Variants in C6 observed in about 807,000 individuals in gnomAD.
C6 encodes complement component C6.
Under a neutral mutation model 112.9 loss-of-function variants are expected in C6, and 101 were observed. That is an observed-to-expected ratio of 0.89 (90% CI 0.76 to 1.06). The LOEUF (loss-of-function observed/expected upper bound fraction) is 1.06. Ranked by LOEUF, C6 falls within the 50% of genes least tolerant of loss-of-function variation. The probability of loss-of-function intolerance (pLI) is 0.00; values close to 1 mark genes in which losing one functional copy is unlikely to be tolerated. For synonymous variants in C6, 431 were observed against 384.1 expected (o/e 1.12, Z -1.43); for missense variants, 1,202 against 1,104.6 (o/e 1.09, Z -1.25).
intron 17 of C6, among the ~76,000 whole-genome samples, chr5:41,145,357 T>C (rs911551514): frequency 1.3e-5 from 2 of 152,206 alleles, no homozygotes; most frequent in Non-Finnish European, 1.5e-5. Flanking sequence ...GCAGTGTGGC[T>C]CATCTGTCCT....
intron 5 of C6, among the ~76,000 whole-genome samples, chr5:41,194,701 T>G (rs1271585535): frequency 6.7e-6 from 1 of 149,236 alleles, no homozygotes; most frequent in Non-Finnish European, 1.5e-5. Flanking sequence ...AAGGGGAGAG[T>G]ATAGGAGATT....
In C6 at chr5:41,183,928, C is replaced by G. The variant is rs115578651; in HGVS notation, c.726+2142G>C. On this transcript the variant is annotated intron_variant, in intron 6 of 17. Coordinates refer to ENST00000337836, the MANE Select transcript of C6 (RefSeq NM_000065.5). ...TCACTTATAAGTGAGAGCTAAACAT[C>G]GGGCACTCATGGACATAAAGATGGC... is the stretch of plus-strand genomic sequence containing the variant. Among the ~76,000 whole-genome samples the G allele has an allele frequency of 2.9e-3, 433 of 148,558 alleles. 1 individual carries two copies. The highest frequency in any genetic ancestry group is 5.3e-3 in the Non-Finnish European group (354 of 67,106).
At chr5:41,243,169 G>C (rs1019026139) in intron 1 of C6, among the ~76,000 whole-genome samples, 4 of 152,096 alleles carry the variant, frequency 2.6e-5, no homozygotes, top group Non-Finnish European at 5.9e-5. Flanking sequence ...CACAAAAAAA[G>C]TTAACTATTT....
intron 1 of C6, among the ~76,000 whole-genome samples, chr5:41,254,873 C>A (rs1239988499): frequency 6.6e-6 from 1 of 152,096 alleles, no homozygotes; most frequent in Non-Finnish European, 1.5e-5. Flanking sequence ...TCAGTGAAAG[C>A]GTTTTAGTCT....
chr5:41,158,256 T>C (rs1747109946), intron 13 of C6, among the ~76,000 whole-genome samples: 1 of 152,212 alleles, frequency 6.6e-6, no homozygotes, highest in African/African-American at 2.4e-5. Context: ...TTAAGAGTTC[T>C]ACAGGTTTCT....
chr5:41,184,199 G>A (rs1301628779), intron 6 of C6, among the ~76,000 whole-genome samples: 1 of 152,052 alleles, frequency 6.6e-6, no homozygotes, highest in Non-Finnish European at 1.5e-5. Flanking sequence ...GTTAACAGTT[G>A]ACTCTTGTGA....
chr5:41,255,959 A>G (rs991247473), intron 1 of C6, among the ~76,000 whole-genome samples: 1 of 152,208 alleles, frequency 6.6e-6, no homozygotes, highest in Non-Finnish European at 1.5e-5. Flanking sequence ...ATGGGGTTAC[A>G]TTCCCAACTT....
intron 1 of C6, among the ~76,000 whole-genome samples, chr5:41,209,855 G>C (rs1015880480): frequency 5.9e-5 from 9 of 152,078 alleles, no homozygotes; most frequent in African/African-American, 1.7e-4. Flanking sequence ...TCACAGAATT[G>C]GTAAAAACTA....
chr5:41,181,193 C>G (rs1298654202), intron 7 of C6, among the ~76,000 whole-genome samples, 166 bp downstream of exon 7: 1 of 151,916 alleles, frequency 6.6e-6, no homozygotes, highest in Non-Finnish European at 1.5e-5. Context: ...CATAATATTT[C>G]TATAACTTTT....
Position 41,200,024 on chromosome 5 carries a change from C to T in C6, c.301-112G>A, listed in dbSNP as rs528082552. 149 of 955,786 alleles carry T rather than the reference C, an allele frequency of 1.6e-4. No individual in the cohort carries two copies. The African/African-American group carries it at 2.0e-3, about 13-fold the overall frequency. 59.2% of individuals were successfully genotyped at this position (955,786 alleles called of 1,614,324 possible). A position where few individuals can be genotyped will look rare whatever the true frequency, so the allele number is the denominator to read the frequency against. ...AGTGATTTTTCCTATGGTAATATTT[C>T]TTATATTTTTACTAATGATTCTTCC... On this transcript the variant is annotated intron_variant, in intron 3 of 17. Transcript: ENST00000337836.
chr5:41,242,916 G>T (rs770871089), intron 1 of C6, among the ~76,000 whole-genome samples: 4 of 151,830 alleles, frequency 2.6e-5, no homozygotes, highest in Non-Finnish European at 5.9e-5. Context: ...AAAATACTGT[G>T]TGGTTTAACT....
At chr5:41,258,644 A>C (rs1228909468) in intron 1 of C6, among the ~76,000 whole-genome samples, 1 of 152,214 alleles carries the variant, frequency 6.6e-6, no homozygotes, top group Non-Finnish European at 1.5e-5. Context: ...AACCACATCT[A>C]TACGTACTGT....
Position 41,158,055 on chromosome 5 carries a change from T to C in C6, c.1968+619A>G, listed in dbSNP as rs576781125. Among the ~76,000 whole-genome samples, 5 of 152,242 alleles carry C rather than the reference T, an allele frequency of 3.3e-5. No homozygotes were observed. The East Asian group carries it at 7.7e-4, about 24-fold the overall frequency. On this transcript the variant is annotated intron_variant, in intron 13 of 17. Transcript: ENST00000337836. Reference sequence around the variant, plus strand: ...AAGATATTACTAAGTTTAAGAAAGGTAAAATGAAATAGGAAGCATGACTTC... The same window carrying C: ...AAGATATTACTAAGTTTAAGAAAGGCAAAATGAAATAGGAAGCATGACTTC...
At chr5:41,179,314 C>T (rs958944341) in intron 7 of C6, among the ~76,000 whole-genome samples, 1 of 152,174 alleles carries the variant, frequency 6.6e-6, no homozygotes, top group African/African-American at 2.4e-5. Context: ...CAAACGTTCT[C>T]TAGCATGTTT....
chr5:41,234,350 GT>G (rs1316483722), intron 1 of C6, among the ~76,000 whole-genome samples: 1 of 127,804 alleles, frequency 7.8e-6, no homozygotes, highest in Non-Finnish European at 1.6e-5. Context: ...TTTTTTTTTT[GT>G]TTTTTGTTTT....
intron 9 of C6, among the ~76,000 whole-genome samples, chr5:41,167,729 A>T (rs1748098635): frequency 6.6e-6 from 1 of 152,216 alleles, no homozygotes; most frequent in Non-Finnish European, 1.5e-5. Context: ...GTTTGAAAAG[A>T]GTCCCTATCA....
chr5:41,248,623 AT>A (rs763094868), intron 1 of C6, among the ~76,000 whole-genome samples: 1 of 152,250 alleles, frequency 6.6e-6, no homozygotes, highest in Non-Finnish European at 1.5e-5. Flanking sequence ...CCACAATGAG[AT>A]ACCATCTCAC....
intron 3 of C6, among the ~76,000 whole-genome samples, chr5:41,200,684 T>G (rs1182930559): frequency 1.3e-5 from 2 of 152,108 alleles, no homozygotes; most frequent in African/African-American, 4.8e-5. Context: ...GCCCTAACTG[T>G]GGTTCACATT....
intron 7 of C6, among the ~76,000 whole-genome samples, chr5:41,179,538 G>A (rs1749144504): frequency 6.6e-6 from 1 of 151,898 alleles, no homozygotes; most frequent in African/African-American, 2.4e-5. Flanking sequence ...TAGATTAAGG[G>A]AAAGTGCTAG....
Sources: allele counts gnomAD v4.1 joint callset (sites outside exome capture counted in the v4.1 genomes callset), GRCh38; gene constraint gnomAD v4.1.1; transcripts MANE v1.5; gene names NCBI Gene and HGNC (gene_info 2026-07-23, HGNC 2026-07-21).